Variants in RGS12 observed in about 807,000 individuals in gnomAD.
The protein encoded by RGS12 is regulator of G-protein signaling 12.
Under a neutral mutation model 120.1 loss-of-function variants are expected in RGS12, and 66 were observed. The ratio of observed to expected loss-of-function variants is 0.55; its 90% CI spans 0.45 to 0.67. RGS12 has a LOEUF of 0.67. Ranked by LOEUF, RGS12 falls within the 30% of genes least tolerant of loss-of-function variation. RGS12 has a pLI of 0.00. For synonymous variants in RGS12, 827 were observed against 804.7 expected (o/e 1.03, Z -0.47); for missense variants, 1,859 against 1,957.7 (o/e 0.95, Z 0.95).
At chr4:3,436,269 C>T (rs930508906) in intron 17 of RGS12, among the ~76,000 whole-genome samples, 1 of 152,120 alleles carries the variant, frequency 6.6e-6, no homozygotes, top group Non-Finnish European at 1.5e-5. Context: ...GCCTTGGGAG[C>T]CACAGTGGAT....
At chr4:3,370,359 G>A in intron 3 of RGS12, 1 of 1,601,252 alleles carries the variant, frequency 6.2e-7, no homozygotes, top group South Asian at 1.1e-5. Flanking sequence ...TTTAATCAGT[G>A]GTAGGAAAGC....
chr4:3,391,064 A>G (rs900134856), intron 4 of RGS12, among the ~76,000 whole-genome samples: 1 of 152,262 alleles, frequency 6.6e-6, no homozygotes, highest in Non-Finnish European at 1.5e-5. Flanking sequence ...AATGTTTGCT[A>G]AATAGCAGAA....
chr4:3,321,520 G>A lies in RGS12; in HGVS notation c.1881+3469G>A, dbSNP rs562569446. Among the ~76,000 whole-genome samples the A allele has an allele frequency of 3.9e-5, 6 of 152,334 alleles. No individual in the cohort carries two copies. The South Asian group carries it at 1.2e-3, about 32-fold the overall frequency. ...CACGGCAGGGTGGGTTTGGCGCTGA[G>A]AAGAAATGCCTTGGTGTCTGGCACA... On this transcript the variant is annotated intron_variant, in intron 2 of 17. Transcript: ENST00000336727.
chr4:3,309,694 T>A (rs78517204), intron 1 of RGS12, among the ~76,000 whole-genome samples: 42 of 90,748 alleles, frequency 4.6e-4, no homozygotes, highest in African/African-American at 1.3e-3. Flanking sequence ...AGGGGAACCG[T>A]GCAGGGGAGG....
rs371728141 is a variant in RGS12 at position 3,417,103 on chromosome 4, C to T, written c.2607+11C>T. On this transcript the variant is annotated intron_variant, in intron 8 of 17. Transcript: ENST00000336727. Reference sequence around the variant, plus strand: ...TCCACGCCAAAAAAGGTGACCTCCCCGAGGCTGGCCTCACGCCCCTGTGGG... The same window carrying T: ...TCCACGCCAAAAAAGGTGACCTCCCTGAGGCTGGCCTCACGCCCCTGTGGG... 12 of 1,585,602 alleles carry T rather than the reference C, an allele frequency of 7.6e-6. No individual in the cohort carries two copies. The highest frequency in any genetic ancestry group is 2.2e-5 in the South Asian group (2 of 88,980).
intron 2 of RGS12, among the ~76,000 whole-genome samples, chr4:3,337,262 A>G (rs1407609262): frequency 2.0e-5 from 3 of 152,224 alleles, no homozygotes; most frequent in South Asian, 2.1e-4. Context: ...GTCCTGGCGC[A>G]CTGCTGGGAA....
chr4:3,415,880 A>G lies in RGS12; in HGVS notation c.2284-98A>G, dbSNP rs1722338967. The G allele has an allele frequency of 2.3e-6, 3 of 1,322,466 alleles. No homozygotes were observed. The South Asian group carries it at 4.3e-5, about 19-fold the overall frequency. The allele number at this position is 1,322,466 out of a possible 1,614,324, so 81.9% of individuals were successfully genotyped here. Reference sequence around the variant, plus strand: ...AGAGGTATTTACTGGGGCCCGTGAGAACACATCTGTAGAGCCCGGGGGTGT... The same window carrying G: ...AGAGGTATTTACTGGGGCCCGTGAGGACACATCTGTAGAGCCCGGGGGTGT... On this transcript the variant is annotated intron_variant, in intron 6 of 17. Coordinates refer to ENST00000336727, the MANE Select transcript of RGS12 (RefSeq NM_001394154.1).
At chr4:3,342,530 C>T in intron 2 of RGS12, 1 of 1,292,632 alleles carries the variant, frequency 7.7e-7, no homozygotes, top group Admixed American at 2.3e-5. Flanking sequence ...TTGCTGAAAA[C>T]CTGCCTTCAT....
In RGS12 at chr4:3,439,767, C is replaced by A. The variant is rs959155868; in HGVS notation, c.*83C>A. ...GATTCTGTGGGCCTCAGGGGGGCCA[C>A]CCTGGCCACCACACCCTCAGGAGCC... On this transcript the variant is annotated 3_prime_UTR_variant, in exon 18 of 18. Transcript: ENST00000336727. The A allele has an allele frequency of 5.4e-6, 7 of 1,303,578 alleles. No homozygotes were observed. The African/African-American group carries it at 1.1e-4, about 20-fold the overall frequency. The allele number at this position is 1,303,578 out of a possible 1,614,324, so 80.8% of individuals were successfully genotyped here. A position where few individuals can be genotyped will look rare whatever the true frequency, so the allele number is the denominator to read the frequency against.
At chr4:3,428,286 C>A (rs561353666) in intron 15 of RGS12, 117 bp downstream of exon 15, 4 of 989,248 alleles carry the variant, frequency 4.0e-6, no homozygotes, top group Non-Finnish European at 6.5e-6. Context: ...GTCTCCCCCA[C>A]GCTCCTTGGC....
chr4:3,424,683 G>A (rs570948302), intron 13 of RGS12, among the ~76,000 whole-genome samples: 5 of 152,388 alleles, frequency 3.3e-5, no homozygotes, highest in Non-Finnish European at 7.3e-5. Flanking sequence ...TGCCGAGGCT[G>A]TGGGGGCTAT....
intron 1 of RGS12, among the ~76,000 whole-genome samples, chr4:3,310,701 G>A (rs1470096501): frequency 2.0e-5 from 3 of 152,068 alleles, no homozygotes; most frequent in Non-Finnish European, 4.4e-5. Context: ...GGGGTGCCAG[G>A]TGGGTGTTCG....
At chr4:3,414,048 G>A (rs1327503119) in intron 4 of RGS12, 24 bp from the exon 5 acceptor site, 1 of 1,523,114 alleles carries the variant, frequency 6.6e-7, no homozygotes. Context: ...AGGGGTGCAG[G>A]TGCTGTCTGT....
chr4:3,399,911 C>A (rs145769194), intron 4 of RGS12, among the ~76,000 whole-genome samples: 7 of 152,344 alleles, frequency 4.6e-5, no homozygotes, highest in South Asian at 4.1e-4. Context: ...GGAGCGCTTC[C>A]TAAATGGGGC....
At chr4:3,319,761 GAGTCGTTCTGC>G (rs756231353) in intron 2 of RGS12, among the ~76,000 whole-genome samples, 9 of 152,220 alleles carry the variant, frequency 5.9e-5, no homozygotes, top group Admixed American at 2.6e-4. Flanking sequence ...CTCCTTAGAG[GAGTCGTTCTGC>G]AGCTGCACGT....
At chr4:3,423,951 A>G (rs1347658943) in intron 13 of RGS12, 3 of 282,738 alleles carry the variant, frequency 1.1e-5, no homozygotes, top group East Asian at 7.9e-5. Context: ...CTGTTGGCCA[A>G]TGTGATCAGA....
At position 3,365,594 on chromosome 4, in the gene RGS12, A is replaced by G. The variant is rs1470908609; in HGVS notation, c.1999-20822A>G. On this transcript the variant is annotated intron_variant, in intron 3 of 17. Coordinates refer to ENST00000336727, the MANE Select transcript of RGS12 (RefSeq NM_001394154.1). The surrounding 1 kb of genome is among the most constrained non-coding windows in gnomAD (Gnocchi z 4.0). ...CGGCCTTCTTGGCTGTTGGGTTGATAATGTTGGCTTCTTCCTGGCCTCCCA... is the reference window on the plus strand; with the variant it reads ...CGGCCTTCTTGGCTGTTGGGTTGATGATGTTGGCTTCTTCCTGGCCTCCCA... 6.6e-6 allele frequency among the ~76,000 whole-genome samples: 1 copy of G among 151,964 alleles called. No homozygotes were observed. The highest frequency in any genetic ancestry group is 1.5e-5 in the Non-Finnish European group (1 of 67,990).
At chr4:3,345,441 G>T (rs779193059) in intron 3 of RGS12, among the ~76,000 whole-genome samples, 2 of 152,148 alleles carry the variant, frequency 1.3e-5, no homozygotes, top group Non-Finnish European at 2.9e-5. Flanking sequence ...TAGCTGACCA[G>T]TCATCCTGCA....
At chr4:3,286,323 C>T in the RGS12 span, among the ~76,000 whole-genome samples, 1 of 152,218 alleles carries the variant, frequency 6.6e-6, no homozygotes, top group African/African-American at 2.4e-5. Context: ...CAAATGCAGC[C>T]TGCCCGGTTT....
Sources: gnomAD v4.1 joint callset for allele counts (sites outside exome capture counted in the v4.1 genomes callset) on GRCh38, gnomAD v4.1.1 for gene constraint, Gnocchi (gnomAD v3.1) non-coding constraint, MANE v1.5 for transcripts, NCBI Gene and HGNC (gene_info 2026-07-23, HGNC 2026-07-21) for gene names.